The following TTC7B variants were observed in gnomAD, a reference collection of about 807,000 sequenced individuals.
The protein encoded by TTC7B is tetratricopeptide repeat protein 7B.
TTC7B carries 28 observed loss-of-function variants against 106.8 expected under a neutral mutation model. The observed-to-expected ratio is 0.26, with a 90% CI of 0.19 to 0.36. TTC7B has a LOEUF of 0.36. Among genes scored for constraint, TTC7B ranks in the 10% least tolerant of loss-of-function variants. The pLI is 1.00. For synonymous variants in TTC7B, 405 were observed against 430.6 expected, an observed-to-expected ratio of 0.94 and a Z score of 0.74; for missense variants, 862 against 1,076.4, an observed-to-expected ratio of 0.80 and a Z score of 2.79.
intron 1 of TTC7B, among the ~76,000 whole-genome samples, chr14:90,798,459 C>T (rs1482675170): frequency 6.6e-6 from 1 of 152,116 alleles, no homozygotes; most frequent in African/African-American, 2.4e-5. Flanking sequence ...ATAGGCCGGA[C>T]TAGGTGGCTC....
chr14:90,603,406 A>G (rs1892512574), intron 17 of TTC7B: 2 of 688,362 alleles, frequency 2.9e-6, no homozygotes, highest in African/African-American at 3.8e-5. Flanking sequence ...TAACCTTCCA[A>G]CTGTAAGTCT....
chr14:90,585,317 G>A (rs1438816011), intron 18 of TTC7B, among the ~76,000 whole-genome samples: 1 of 152,238 alleles, frequency 6.6e-6, no homozygotes, highest in African/African-American at 2.4e-5. Context: ...AGCAGTGACA[G>A]GCGCTAGCCC....
chr14:90,660,144 G>A (rs778660060), intron 9 of TTC7B, among the ~76,000 whole-genome samples: 5 of 152,012 alleles, frequency 3.3e-5, no homozygotes, highest in Non-Finnish European at 7.4e-5. Context: ...CAGCACTAGG[G>A]AGGCTGAGGC....
rs1429402744 is a variant in TTC7B at position 90,575,726 on chromosome 14, C to T, written c.2310+2380G>A. Reference sequence around the variant, plus strand: ...GCGTGCTCAAGCTACCTTCGGGAGCCACACTGATCAGTCACTGGGCAAAGT... The same window carrying T: ...GCGTGCTCAAGCTACCTTCGGGAGCTACACTGATCAGTCACTGGGCAAAGT... On this transcript the variant is annotated intron_variant, in intron 19 of 19. Transcript: ENST00000328459. The surrounding 1 kb of genome is among the most constrained non-coding windows in gnomAD (Gnocchi z 5.2). 6.6e-6 allele frequency among the ~76,000 whole-genome samples: 1 copy of T among 152,218 alleles called. No individual in the cohort carries two copies. The highest frequency in any genetic ancestry group is 1.9e-4 in the East Asian group (1 of 5,188).
At chr14:90,661,965 A>G (rs10130644) in intron 9 of TTC7B, among the ~76,000 whole-genome samples, 73,039 of 151,996 alleles carry the variant, frequency 0.48, 17,771 homozygotes, top group East Asian at 0.57. Context: ...TTGGTATAGA[A>G]CTGCATTCCA....
At chr14:90,543,780 A>G (rs1055869116) in intron 19 of TTC7B, among the ~76,000 whole-genome samples, 6 of 152,208 alleles carry the variant, frequency 3.9e-5, no homozygotes, top group Admixed American at 2.0e-4. Flanking sequence ...AAATCTCCCA[A>G]TAAAGCCTTG....
intron 1 of TTC7B, among the ~76,000 whole-genome samples, chr14:90,804,253 G>A (rs963812956): frequency 6.6e-6 from 1 of 151,856 alleles, no homozygotes; most frequent in East Asian, 1.9e-4. Flanking sequence ...AGAATGGCGT[G>A]AACCCGGGAG....
At chr14:90,566,819 G>T (rs571557998) in intron 19 of TTC7B, among the ~76,000 whole-genome samples, 27 of 152,308 alleles carry the variant, frequency 1.8e-4, no homozygotes, top group Non-Finnish European at 2.8e-4. Context: ...AGCTCTCAGT[G>T]ACTTGGAGTG....
chr14:90,687,972 C>A (rs1229483370), intron 7 of TTC7B, among the ~76,000 whole-genome samples: 1 of 152,190 alleles, frequency 6.6e-6, no homozygotes, highest in Non-Finnish European at 1.5e-5. Flanking sequence ...TCTGAAAGTA[C>A]AACAGTCATT....
At chr14:90,687,004 T>C (rs917549061) in intron 7 of TTC7B, among the ~76,000 whole-genome samples, 1 of 151,934 alleles carries the variant, frequency 6.6e-6, no homozygotes, top group African/African-American at 2.4e-5. Context: ...TTTTTTTTTT[T>C]TTTCAAAAAT....
At chr14:90,704,383 A>T (rs1742094) in intron 5 of TTC7B, among the ~76,000 whole-genome samples, 5 of 152,084 alleles carry the variant, frequency 3.3e-5, no homozygotes, top group Non-Finnish European at 5.9e-5. Flanking sequence ...ATGAGGAAAC[A>T]CAGGCTTAGA....
intron 19 of TTC7B, among the ~76,000 whole-genome samples, chr14:90,556,453 G>T (rs898176208): frequency 2.6e-5 from 4 of 152,156 alleles, no homozygotes; most frequent in African/African-American, 9.7e-5. Flanking sequence ...GCCAGCCAGG[G>T]TCTTCTGTGG....
chr14:90,586,246 C>T (rs1891709103), intron 18 of TTC7B, among the ~76,000 whole-genome samples: 1 of 152,222 alleles, frequency 6.6e-6, no homozygotes, highest in Admixed American at 6.5e-5. Context: ...CCTTCAGATG[C>T]TGTGGCTCTT....
At chr14:90,605,075 G>A (rs1892582631) in intron 17 of TTC7B, among the ~76,000 whole-genome samples, 1 of 152,116 alleles carries the variant, frequency 6.6e-6, no homozygotes, top group African/African-American at 2.4e-5. Flanking sequence ...TGAATATAAA[G>A]TTGGGGGTGG....
At chr14:90,661,792 TATC>T (rs1371455716) in intron 9 of TTC7B, among the ~76,000 whole-genome samples, 3 of 152,166 alleles carry the variant, frequency 2.0e-5, no homozygotes, top group South Asian at 2.1e-4. Context: ...GAATGATAAA[TATC>T]AACTGTTTTC....
chr14:90,705,651 A>G (rs772381084), intron 5 of TTC7B, among the ~76,000 whole-genome samples: 3 of 152,088 alleles, frequency 2.0e-5, no homozygotes, highest in Non-Finnish European at 4.4e-5. Flanking sequence ...ACCACCACCA[A>G]AAAAAATAAA....
chr14:90,586,427 C>T (rs964449730), intron 18 of TTC7B, among the ~76,000 whole-genome samples: 2 of 152,142 alleles, frequency 1.3e-5, no homozygotes, highest in Non-Finnish European at 1.5e-5. Flanking sequence ...CCTGCCACCA[C>T]ACCTGGCTAC....
At chr14:90,780,470 A>AAG (rs10672789) in intron 3 of TTC7B, among the ~76,000 whole-genome samples, 10 of 146,464 alleles carry the variant, frequency 6.8e-5, no homozygotes, top group African/African-American at 2.4e-4. Flanking sequence ...GAAAGAAAGA[A>AAG]AAAGAAAGAA....
At chr14:90,593,388 A>T (rs1177030413) in intron 18 of TTC7B, 98 bp downstream of exon 18, 18 of 1,459,360 alleles carry the variant, frequency 1.2e-5, no homozygotes, top group Non-Finnish European at 1.6e-5. Context: ...TGTGGGCTAA[A>T]CAGACAAGCG....
Sources: gnomAD v4.1 joint callset for allele counts (sites outside exome capture counted in the v4.1 genomes callset) on GRCh38, gnomAD v4.1.1 for gene constraint, Gnocchi (gnomAD v3.1) non-coding constraint, MANE v1.5 for transcripts, NCBI Gene and HGNC (gene_info 2026-07-23, HGNC 2026-07-21) for gene names.